TESK2: variants seen among roughly 807,000 people sequenced by gnomAD.
TESK2 encodes the protein testis associated actin remodelling kinase 2, also known as dual specificity testis-specific protein kinase 2.
TESK2 carries 39 observed loss-of-function variants against 57.1 expected under a neutral mutation model. The observed-to-expected ratio is 0.68, with a 90% CI of 0.53 to 0.89. The LOEUF is 0.89. TESK2 is among the 40% of genes least tolerant of loss of function. TESK2 has a pLI of 0.00. For synonymous variants in TESK2, 249 were observed against 267.9 expected (o/e 0.93, Z 0.69); for missense variants, 646 against 732.1 (o/e 0.88, Z 1.36).
rs59988269 is a variant in TESK2 at position 45,384,593 on chromosome 1, A to ATTTTTTTTTTT, written c.393+1308_393+1318dup. On this transcript the variant is annotated intron_variant, in intron 4 of 10. Transcript: ENST00000372086. ...TGCCATCACATCCAGCTAATTATTA[A>ATTTTTTTTTTT]TTTTTTTTTTTTTTTTTTTTTTTTT... Among the ~76,000 whole-genome samples the ATTTTTTTTTTT allele has an allele frequency of 1.2e-3, 82 of 70,866 alleles. 4 individuals are homozygous for ATTTTTTTTTTT. Among genetic ancestry groups the ATTTTTTTTTTT allele is most frequent in the Non-Finnish European group, 1.3e-3 (48 of 37,048 alleles). 46.5% of individuals were successfully genotyped at this position (70,866 alleles called of 152,430 possible).
intron 2 of TESK2, among the ~76,000 whole-genome samples, chr1:45,456,375 C>T (rs1035451818): frequency 4.6e-5 from 7 of 151,446 alleles, no homozygotes; most frequent in Non-Finnish European, 7.4e-5. Context: ...AAAAATTAGC[C>T]AGGTGTGGTG....
intron 1 of TESK2, among the ~76,000 whole-genome samples, chr1:45,472,383 C>G (rs1011193359): frequency 6.6e-6 from 1 of 151,562 alleles, no homozygotes; most frequent in African/African-American, 2.4e-5. Flanking sequence ...CATGGGGAAA[C>G]CCCACCTCTA....
At chr1:45,350,069 G>A (rs1345454057) in intron 5 of TESK2, among the ~76,000 whole-genome samples, 1 of 152,178 alleles carries the variant, frequency 6.6e-6, no homozygotes, top group Non-Finnish European at 1.5e-5. Flanking sequence ...TTGAATCCGG[G>A]AGGCAGAGGT....
intron 4 of TESK2, among the ~76,000 whole-genome samples, chr1:45,380,105 G>C (rs538630163): frequency 6.6e-6 from 1 of 152,192 alleles, no homozygotes; most frequent in Non-Finnish European, 1.5e-5. Context: ...TCACCATGTT[G>C]GCCAGGCTGG....
At chr1:45,422,780 T>TTGTTGTTGTTGTTGTTG (rs1234266587) in intron 2 of TESK2, among the ~76,000 whole-genome samples, 22 of 10,260 alleles carry the variant, frequency 2.1e-3, no homozygotes, top group East Asian at 0.012. Context: ...TGTTGTTGTT[T>TTGTTGTTGTTGTTGTTG]TTGTTTTGAG....
chr1:45,452,046 A>AAAAAAAAAAAAAAAAAAAAAAAAT (rs1557579264), intron 2 of TESK2, among the ~76,000 whole-genome samples: 4 of 151,416 alleles, frequency 2.6e-5, no homozygotes, highest in Non-Finnish European at 5.9e-5. Context: ...AAAAAAAAAA[A>AAAAAAAAAAAAAAAAAAAAAAAAT]ATTTATTTGG....
chr1:45,351,799 A>C (rs1647236775), intron 5 of TESK2, among the ~76,000 whole-genome samples: 1 of 151,326 alleles, frequency 6.6e-6, no homozygotes, highest in Non-Finnish European at 1.5e-5. Flanking sequence ...TTTGCTATCA[A>C]GCCCTTCGCC....
At chr1:45,487,546 T>C (rs1557593158) in intron 1 of TESK2, among the ~76,000 whole-genome samples, 1 of 152,212 alleles carries the variant, frequency 6.6e-6, no homozygotes, top group Non-Finnish European at 1.5e-5. Flanking sequence ...CCAGTTTTTG[T>C]CTTTACCTTG....
At chr1:45,408,345 A>T (rs1030392194) in intron 3 of TESK2, among the ~76,000 whole-genome samples, 8 of 151,774 alleles carry the variant, frequency 5.3e-5, no homozygotes, top group African/African-American at 1.4e-4. Context: ...TTTTTTTTAA[A>T]TTTTTTCCTC....
At chr1:45,460,254 G>A (rs768654146) in intron 1 of TESK2, among the ~76,000 whole-genome samples, 4 of 152,026 alleles carry the variant, frequency 2.6e-5, no homozygotes, top group East Asian at 1.9e-4. Flanking sequence ...GGTGACTCAC[G>A]CCTGAAAAAT....
At position 45,436,181 on chromosome 1, in the gene TESK2, C is replaced by CTTTTTTTTTTTTTTTTTTTTTTTT. The variant is rs1170732475; in HGVS notation, c.223-14336_223-14335insAAAAAAAAAAAAAAAAAAAAAAAA. On this transcript the variant is annotated intron_variant, in intron 2 of 10. Transcript: ENST00000372086. ...CTGTGAAAAATGACATTGGTATCTT[C>CTTTTTTTTTTTTTTTTTTTTTTTT]TTTTTTTTTTTTTTTTTTTTTGAGA... is the stretch of plus-strand genomic sequence containing the variant. Among the ~76,000 whole-genome samples the CTTTTTTTTTTTTTTTTTTTTTTTT allele has an allele frequency of 1.1e-3, 60 of 56,620 alleles. 13 individuals are homozygous for CTTTTTTTTTTTTTTTTTTTTTTTT. The highest frequency in any genetic ancestry group is 1.9e-3 in the Admixed American group (6 of 3,190). 37.1% of individuals were successfully genotyped at this position (56,620 alleles called of 152,430 possible).
intron 1 of TESK2, among the ~76,000 whole-genome samples, chr1:45,480,405 C>T (rs1653169107): frequency 6.7e-6 from 1 of 150,098 alleles, no homozygotes; most frequent in South Asian, 2.1e-4. Context: ...TTGCAGTGAG[C>T]CAAGATTGCG....
At chr1:45,394,679 CTTTTTTTTTTTTTTTTTT>C (rs5773871) in intron 3 of TESK2, among the ~76,000 whole-genome samples, 1 of 57,400 alleles carries the variant, frequency 1.7e-5, no homozygotes, top group East Asian at 5.6e-4. Flanking sequence ...ACAGGAAACT[CTTTTTTTTTTTTTTTTTT>C]TTTTTTTTTT....
chr1:45,428,681 T>G (rs145097481), intron 2 of TESK2, among the ~76,000 whole-genome samples: 5 of 152,064 alleles, frequency 3.3e-5, no homozygotes, highest in Admixed American at 6.6e-5. Context: ...TTTTATATAT[T>G]TTTTTAGAGA....
intron 2 of TESK2, among the ~76,000 whole-genome samples, chr1:45,425,595 C>T (rs1195683426): frequency 1.3e-5 from 2 of 152,010 alleles, no homozygotes; most frequent in African/African-American, 4.8e-5. Flanking sequence ...GTCAAGGCTG[C>T]AGTGAGCTGT....
chr1:45,354,815 AATATATATATATATATATATATAT>A (rs199613712), intron 5 of TESK2, among the ~76,000 whole-genome samples: 89 of 40,688 alleles, frequency 2.2e-3, no homozygotes, highest in African/African-American at 9.7e-3. Context: ...AAAAAAAAAA[AATATATATATATATATATATATAT>A]ATATATATAT....
intron 1 of TESK2, among the ~76,000 whole-genome samples, chr1:45,469,842 T>C (rs2149303946): frequency 6.6e-6 from 1 of 152,290 alleles, no homozygotes; most frequent in Middle Eastern, 3.4e-3. Flanking sequence ...GTATCTGCTG[T>C]TTCTCACCCC....
intron 4 of TESK2, among the ~76,000 whole-genome samples, chr1:45,382,840 C>A (rs530364186): frequency 3.5e-4 from 53 of 152,074 alleles, no homozygotes; most frequent in South Asian, 6.2e-4. Context: ...TGCACTCCAG[C>A]CTGGGCAACA....
At chr1:45,368,122 G>A (rs868763253) in intron 4 of TESK2, among the ~76,000 whole-genome samples, 1 of 150,262 alleles carries the variant, frequency 6.7e-6, no homozygotes, top group East Asian at 2.0e-4. Flanking sequence ...AGCCTCCCGA[G>A]TAGCTGGGAT....
Sources: allele counts gnomAD v4.1 joint callset (sites outside exome capture counted in the v4.1 genomes callset), GRCh38; gene constraint gnomAD v4.1.1; transcripts MANE v1.5; gene names NCBI Gene and HGNC (gene_info 2026-07-23, HGNC 2026-07-21).